The following HIP1 variants were observed in gnomAD, a reference collection of about 807,000 sequenced individuals.
HIP1 encodes the protein huntingtin interacting protein 1, also known as huntingtin-interacting protein 1.
In HIP1, 65 loss-of-function variants were observed where a neutral mutation model predicts 147.6. The observed-to-expected ratio is 0.44, with a 90% confidence interval of 0.36 to 0.54. The LOEUF is 0.54. Ranked by LOEUF, HIP1 falls within the 20% of genes least tolerant of loss-of-function variation. The pLI is 0.00. For missense variants in HIP1, 1,061 were observed against 1,299.6 expected (o/e 0.82, Z 2.82); for synonymous variants, 479 against 504.0 (o/e 0.95, Z 0.67).
chr7:75,549,081 T>C, intron 22 of HIP1, 80 bp from the exon 23 acceptor site: 2 of 1,074,614 alleles, frequency 1.9e-6, no homozygotes, highest in African/African-American at 1.6e-5. Flanking sequence ...CCTTACAAGA[T>C]GGCAAGGCAG....
At position 75,565,447 on chromosome 7, in the gene HIP1, GA is replaced by G. The variant is rs1554495341; in HGVS notation, c.804-2185del. Among the ~76,000 whole-genome samples, 12 of 152,314 alleles carry G rather than the reference GA, an allele frequency of 7.9e-5. No individual in the cohort carries two copies. The South Asian group carries it at 2.1e-3, about 26-fold the overall frequency. ...TCAGGGCCTGTCTCCTTGGACTAAA[GA>G]AGCCATTTATCACAGAATATGTACT... On this transcript the variant is annotated intron_variant, in intron 9 of 30. Transcript: ENST00000336926.
intron 1 of HIP1, among the ~76,000 whole-genome samples, chr7:75,718,117 TA>T (rs1231389923): frequency 5.3e-5 from 8 of 151,670 alleles, no homozygotes; most frequent in South Asian, 2.1e-4. Context: ...ACCCCATTTC[TA>T]AAAAAAATTA....
chr7:75,642,792 C>A (rs1485426278), intron 1 of HIP1, among the ~76,000 whole-genome samples: 1 of 152,172 alleles, frequency 6.6e-6, no homozygotes, highest in Non-Finnish European at 1.5e-5. Context: ...GAGTCCCTTC[C>A]CACAATGGAC....
intron 1 of HIP1, among the ~76,000 whole-genome samples, chr7:75,713,448 G>A (rs782103131): frequency 6.6e-6 from 1 of 152,160 alleles, no homozygotes; most frequent in African/African-American, 2.4e-5. Context: ...TTTCTGCAAG[G>A]CTGCTTAGGA....
chr7:75,734,369 C>T (rs1018466342), intron 1 of HIP1, among the ~76,000 whole-genome samples: 3 of 152,008 alleles, frequency 2.0e-5, no homozygotes, highest in Non-Finnish European at 2.9e-5. Context: ...TCACTTGAGC[C>T]CAGGAGTCCC....
intron 1 of HIP1, among the ~76,000 whole-genome samples, chr7:75,705,148 ACT>A (rs1453712475): frequency 6.6e-6 from 1 of 151,690 alleles, no homozygotes; most frequent in Non-Finnish European, 1.5e-5. Flanking sequence ...CAAAACTGAA[ACT>A]CTATCCTATT....
intron 22 of HIP1, among the ~76,000 whole-genome samples, 195 bp downstream of exon 22, chr7:75,553,258 G>A (rs1047745543): frequency 6.6e-6 from 1 of 151,756 alleles, no homozygotes; most frequent in Admixed American, 6.6e-5. Flanking sequence ...CTCCTGACTC[G>A]GCCTCCCAAA....
At chr7:75,556,201 C>T (rs1794999168) in intron 17 of HIP1, 32 bp from the exon 18 acceptor site, 3 of 1,609,916 alleles carry the variant, frequency 1.9e-6, no homozygotes, top group Non-Finnish European at 2.5e-6. Flanking sequence ...AAGAGGGAGA[C>T]GCTGGTTGAG....
At chr7:75,591,383 G>T (rs1366360007) in intron 4 of HIP1, among the ~76,000 whole-genome samples, 1 of 151,948 alleles carries the variant, frequency 6.6e-6, no homozygotes, top group Admixed American at 6.6e-5. Flanking sequence ...ACACACCCAC[G>T]GACATCAGAA....
chr7:75,570,997 G>A (rs781993273), intron 8 of HIP1, among the ~76,000 whole-genome samples: 17 of 152,152 alleles, frequency 1.1e-4, no homozygotes, highest in East Asian at 3.9e-4. Context: ...GCAACAGAGC[G>A]AGACCCTGTT....
Position 75,738,782 on chromosome 7 carries a change from C to T in HIP1, c.120+19G>A. On this transcript the variant is annotated intron_variant, in intron 1 of 30. Transcript: ENST00000336926. ...CCCTCAGGGTGCCCCAGGGATGCCCCGGGGTCCCCCGTCCTCACCTGAGTC... is the reference window on the plus strand; with the variant it reads ...CCCTCAGGGTGCCCCAGGGATGCCCTGGGGTCCCCCGTCCTCACCTGAGTC... 6.3e-7 allele frequency: 1 copy of T among 1,597,822 alleles called. No homozygotes were observed. The highest frequency in any genetic ancestry group is 8.5e-7 in the Non-Finnish European group (1 of 1,174,426).
intron 1 of HIP1, among the ~76,000 whole-genome samples, chr7:75,667,043 A>G (rs1420708458): frequency 1.3e-5 from 2 of 152,162 alleles, no homozygotes; most frequent in African/African-American, 2.4e-5. Flanking sequence ...AGACACTGGA[A>G]AGAAATATGC....
intron 1 of HIP1, among the ~76,000 whole-genome samples, chr7:75,730,802 G>A (rs1801814571): frequency 1.4e-5 from 2 of 147,296 alleles, no homozygotes; most frequent in Admixed American, 1.4e-4. Context: ...GTGTGATCTC[G>A]GCTCAATGCA....
chr7:75,597,938 A>C (rs73139382), intron 2 of HIP1, among the ~76,000 whole-genome samples: 3,699 of 152,040 alleles, frequency 0.024, 66 homozygotes, highest in African/African-American at 0.042. Flanking sequence ...ATGGTCCTGC[A>C]CCTCTCTACA....
intron 1 of HIP1, among the ~76,000 whole-genome samples, chr7:75,670,174 G>T (rs1238271119): frequency 2.0e-5 from 3 of 151,672 alleles, no homozygotes; most frequent in African/African-American, 7.3e-5. Flanking sequence ...TTGAGACAGG[G>T]TCTCACTCTG....
chr7:75,608,806 TC>T (rs1797323331), intron 1 of HIP1, among the ~76,000 whole-genome samples: 1 of 152,118 alleles, frequency 6.6e-6, no homozygotes, highest in Admixed American at 6.6e-5. Context: ...TTAGATGACT[TC>T]TAGGTCTCTT....
chr7:75,613,518 C>G (rs1554505435), intron 1 of HIP1, among the ~76,000 whole-genome samples: 1 of 152,224 alleles, frequency 6.6e-6, no homozygotes, highest in Admixed American at 6.5e-5. Flanking sequence ...CTCCCAGGCA[C>G]TGCACTGGTA....
intron 1 of HIP1, among the ~76,000 whole-genome samples, chr7:75,704,159 A>T (rs1338086708): frequency 1.3e-5 from 2 of 152,212 alleles, no homozygotes; most frequent in Non-Finnish European, 2.9e-5. Flanking sequence ...ATGATCTCAC[A>T]GACAACAATG....
chr7:75,553,499 C>T lies in HIP1; in HGVS notation c.2249G>A (p.Ser750Asn), dbSNP rs1554492523. The T allele has an allele frequency of 6.2e-7, 1 of 1,614,200 alleles. No individual in the cohort carries two copies. The highest frequency in any genetic ancestry group is 1.7e-5 in the Admixed American group (1 of 60,024). The change falls in exon 22 of 31, where the codon AGC (serine) becomes AAC (asparagine). Residue 750 changes from serine (S) to asparagine (N), a missense_variant. Physicochemically the swap from Ser to Asn is conservative, Grantham distance 46 (BLOSUM62 1). This residue lies in a region of HIP1 where 810 missense variants were observed against 946.8 expected (regional missense o/e 0.86). Transcript: ENST00000336926. Reference protein sequence around the residue: ...EEEGSLENADSTAMRNCLSKI... With the variant: ...EEEGSLENADNTAMRNCLSKI... ...GCTCAGGCAGTTCCTCATGGCTGTG[C>T]TGTCGGCATTCTCAAGGCTTCCCTC...
Sources: gnomAD v4.1 joint callset for allele counts (sites outside exome capture counted in the v4.1 genomes callset) on GRCh38, gnomAD v4.1.1 for gene constraint, gnomAD v4.1.1 regional missense constraint, MANE v1.5 for transcripts, NCBI Gene and HGNC (gene_info 2026-07-23, HGNC 2026-07-21) for gene names.